The following SGSM1 variants were observed in gnomAD, a reference collection of about 807,000 sequenced individuals.
The protein encoded by SGSM1 is small G protein signaling modulator 1.
In SGSM1, 73 loss-of-function variants were observed where a neutral mutation model predicts 133.8. That is an observed-to-expected ratio of 0.55 (90% CI 0.45 to 0.66). The LOEUF is 0.66. Ranked by LOEUF, SGSM1 falls within the 30% of genes least tolerant of loss-of-function variation. The pLI is 0.00. For missense variants in SGSM1, 1,213 were observed against 1,448.1 expected (o/e 0.84, Z 2.64); for synonymous variants, 563 against 573.0 (o/e 0.98, Z 0.25).
At chr22:24,829,973 G>A (rs567992072) in intron 2 of SGSM1, among the ~76,000 whole-genome samples, 1 of 152,292 alleles carries the variant, frequency 6.6e-6, no homozygotes, top group Non-Finnish European at 1.5e-5. Context: ...AGGGTGAGCT[G>A]AATTCCAGCT....
intron 2 of SGSM1, among the ~76,000 whole-genome samples, chr22:24,841,119 G>T (rs1415459832): frequency 6.6e-6 from 1 of 152,094 alleles, no homozygotes; most frequent in African/African-American, 2.4e-5. Flanking sequence ...CAAAGTGCTG[G>T]GATTACAGGC....
At chr22:24,865,200 T>C (rs923372021) in intron 9 of SGSM1, among the ~76,000 whole-genome samples, 1 of 152,208 alleles carries the variant, frequency 6.6e-6, no homozygotes, top group East Asian at 1.9e-4. Context: ...GAACATTGTC[T>C]GAGCATCACA....
intron 2 of SGSM1, among the ~76,000 whole-genome samples, chr22:24,824,816 C>T (rs1485172640): frequency 6.6e-6 from 1 of 152,192 alleles, no homozygotes; most frequent in African/African-American, 2.4e-5. Context: ...TGTTATTCAC[C>T]TAGAACCAAG....
chr22:24,831,240 C>T (rs527702151), intron 2 of SGSM1, among the ~76,000 whole-genome samples: 17 of 151,530 alleles, frequency 1.1e-4, no homozygotes, highest in Non-Finnish European at 2.5e-4. Flanking sequence ...GGAGGTGGAG[C>T]GAAGCAAGCA....
At chr22:24,893,731 CT>C in intron 17 of SGSM1, 118 bp downstream of exon 17, 2 of 1,147,564 alleles carry the variant, frequency 1.7e-6, no homozygotes, top group South Asian at 1.8e-5. Flanking sequence ...AGTCTCACCC[CT>C]GGCTTTTTCT....
chr22:24,836,833 A>G (rs182574415), intron 2 of SGSM1, among the ~76,000 whole-genome samples: 4 of 152,294 alleles, frequency 2.6e-5, no homozygotes, highest in African/African-American at 9.6e-5. Flanking sequence ...CCTTTATCAC[A>G]TAGATGATTT....
At chr22:24,913,023 A>T (rs990687742) in intron 22 of SGSM1, among the ~76,000 whole-genome samples, 4 of 152,276 alleles carry the variant, frequency 2.6e-5, no homozygotes, top group African/African-American at 9.6e-5. Context: ...AGCACAGTGC[A>T]TGTCAGTGCC....
intron 2 of SGSM1, among the ~76,000 whole-genome samples, chr22:24,810,048 T>A (rs1927642345): frequency 6.6e-6 from 1 of 152,046 alleles, no homozygotes; most frequent in Non-Finnish European, 1.5e-5. Context: ...GGAACCGAAG[T>A]GACCGGAGCA....
At chr22:24,880,541 G>T (rs941990085) in intron 14 of SGSM1, among the ~76,000 whole-genome samples, 8 of 152,218 alleles carry the variant, frequency 5.3e-5, no homozygotes, top group Non-Finnish European at 1.5e-5. Context: ...AATACAACCT[G>T]CATGGGTCTG....
chr22:24,825,525 G>A (rs1390516075), intron 2 of SGSM1, among the ~76,000 whole-genome samples: 1 of 152,162 alleles, frequency 6.6e-6, no homozygotes, highest in Non-Finnish European at 1.5e-5. Flanking sequence ...TGCCTCCTGG[G>A]TTCACACGAT....
intron 2 of SGSM1, among the ~76,000 whole-genome samples, chr22:24,834,669 C>A (rs1369208394): frequency 3.9e-5 from 6 of 152,122 alleles, no homozygotes; most frequent in African/African-American, 1.4e-4. Context: ...AGGGAAGGAT[C>A]TGATCCAAGT....
intron 19 of SGSM1, among the ~76,000 whole-genome samples, chr22:24,900,915 T>A (rs1326999051): frequency 6.6e-6 from 1 of 152,154 alleles, no homozygotes. Flanking sequence ...GGAAGGTAGA[T>A]TCCTCAAGAG....
At chr22:24,821,560 C>T (rs1231550176) in intron 2 of SGSM1, among the ~76,000 whole-genome samples, 1 of 152,136 alleles carries the variant, frequency 6.6e-6, no homozygotes, top group East Asian at 1.9e-4. Context: ...TGAGCTGACA[C>T]CACCAGACAC....
chr22:24,892,393 C>T (rs888127579), intron 16 of SGSM1, among the ~76,000 whole-genome samples: 2 of 152,152 alleles, frequency 1.3e-5, no homozygotes, highest in African/African-American at 4.8e-5. Flanking sequence ...GAGCCTGTTA[C>T]CTGGGCTGTG....
At chr22:24,871,166 G>A (rs937817198) in intron 12 of SGSM1, among the ~76,000 whole-genome samples, 3 of 152,198 alleles carry the variant, frequency 2.0e-5, no homozygotes, top group African/African-American at 7.2e-5. Flanking sequence ...TTTGCTCTAA[G>A]TTGTGACAAC....
intron 9 of SGSM1, among the ~76,000 whole-genome samples, chr22:24,860,041 C>A (rs1931036895): frequency 6.6e-6 from 1 of 152,160 alleles, no homozygotes; most frequent in African/African-American, 2.4e-5. Flanking sequence ...GACCTGGAAA[C>A]CAACTGGAAG....
At chr22:24,874,498 G>A (rs773768180) in intron 12 of SGSM1, 2 of 1,613,516 alleles carry the variant, frequency 1.2e-6, no homozygotes, top group African/African-American at 1.3e-5. Flanking sequence ...GTCCATGCTG[G>A]TGGTGGCCAG....
intron 2 of SGSM1, among the ~76,000 whole-genome samples, chr22:24,820,911 C>T (rs1050841391): frequency 3.3e-5 from 5 of 152,168 alleles, no homozygotes; most frequent in Admixed American, 2.6e-4. Context: ...GAGAAAACAG[C>T]AATGCAGTGG....
At chr22:24,844,744 C>T (rs1270116704) in intron 2 of SGSM1, 153 bp from the exon 3 acceptor site, 1 of 596,154 alleles carries the variant, frequency 1.7e-6, no homozygotes, top group East Asian at 2.9e-5. Flanking sequence ...CTCCAAAAGA[C>T]AAGGCGAGGA....
Sources: allele counts gnomAD v4.1 joint callset (sites outside exome capture counted in the v4.1 genomes callset), GRCh38; gene constraint gnomAD v4.1.1; transcripts MANE v1.5; gene names NCBI Gene and HGNC (gene_info 2026-07-23, HGNC 2026-07-21).